COLEC12: variants seen among roughly 807,000 people sequenced by gnomAD.
COLEC12 encodes the protein collectin-12.
A neutral mutation model predicts 71.1 loss-of-function variants in COLEC12; 33 were observed. The ratio of observed to expected loss-of-function variants is 0.46; its 90% CI spans 0.35 to 0.62. The LOEUF is 0.62. COLEC12 is among the 20% of genes least tolerant of loss of function. The pLI is 0.00. For synonymous variants in COLEC12, 350 were observed against 353.0 expected, an observed-to-expected ratio of 0.99 and a Z score of 0.10; for missense variants, 765 against 916.1, an observed-to-expected ratio of 0.84 and a Z score of 2.13.
At chr18:410,470 C>T (rs1191944940) in intron 2 of COLEC12, among the ~76,000 whole-genome samples, 1 of 151,680 alleles carries the variant, frequency 6.6e-6, no homozygotes, top group East Asian at 1.9e-4. Flanking sequence ...ACGGAGTCCG[C>T]TCTTGTTGCC....
intron 2 of COLEC12, among the ~76,000 whole-genome samples, chr18:469,127 C>A (rs1470273461): frequency 6.6e-6 from 1 of 152,252 alleles, no homozygotes; most frequent in Admixed American, 6.5e-5. Context: ...AGGAAAGGGA[C>A]TTCATACAAG....
At chr18:355,166 T>C (rs544480112) in intron 3 of COLEC12, among the ~76,000 whole-genome samples, 4 of 152,164 alleles carry the variant, frequency 2.6e-5, no homozygotes, top group Non-Finnish European at 4.4e-5. Flanking sequence ...GTGGGAGATA[T>C]AATAAATAAA....
At chr18:499,724 T>C (rs1054307275) in intron 1 of COLEC12, among the ~76,000 whole-genome samples, 14 of 152,238 alleles carry the variant, frequency 9.2e-5, no homozygotes, top group African/African-American at 3.4e-4. Context: ...AATCTCCGTG[T>C]TTCCACTAAA....
rs77148508 is a variant in COLEC12, at chr18:361,934, A to C, written c.59-4412T>G. On this transcript the variant is annotated intron_variant, in intron 2 of 9. Coordinates refer to ENST00000400256, the MANE Select transcript of COLEC12 (RefSeq NM_130386.3). ...TACATTCCACTAAGAGAGCCTCAGA[A>C]GATTTGGTTAGAGCAGAGATTATAG... is the stretch of plus-strand genomic sequence containing the variant. Among the ~76,000 whole-genome samples, 823 of 152,344 alleles carry C rather than the reference A, an allele frequency of 5.4e-3. 2 individuals are homozygous for C. The highest frequency in any genetic ancestry group is 0.01 in the Middle Eastern group (3 of 294).
At chr18:414,316 G>A (rs887451888) in intron 2 of COLEC12, among the ~76,000 whole-genome samples, 14 of 152,148 alleles carry the variant, frequency 9.2e-5, no homozygotes, top group South Asian at 2.1e-4. Context: ...TGGGTCGGGC[G>A]CGGTGGCTCA....
At chr18:433,119 A>G (rs1173579885) in intron 2 of COLEC12, among the ~76,000 whole-genome samples, 3 of 152,182 alleles carry the variant, frequency 2.0e-5, no homozygotes, top group Non-Finnish European at 4.4e-5. Flanking sequence ...AATTTCTCTA[A>G]GTTCATGGAC....
chr18:470,220 ATTTTTTTTTTTTTT>A (rs71174234), intron 2 of COLEC12, among the ~76,000 whole-genome samples: 3 of 92,354 alleles, frequency 3.2e-5, no homozygotes, highest in Admixed American at 3.2e-4. Flanking sequence ...AGGCCAGGAA[ATTTTTTTTTTTTTT>A]TTTTTTTTTT....
At chr18:385,180 G>A (rs551194821) in intron 2 of COLEC12, among the ~76,000 whole-genome samples, 9 of 152,108 alleles carry the variant, frequency 5.9e-5, no homozygotes, top group African/African-American at 1.2e-4. Flanking sequence ...ATGAAAATAC[G>A]TAGTGTTGTC....
At chr18:482,502 A>T (rs1917441759) in intron 1 of COLEC12, among the ~76,000 whole-genome samples, 1 of 152,120 alleles carries the variant, frequency 6.6e-6, no homozygotes, top group South Asian at 2.1e-4. Context: ...CCCAGCACAC[A>T]ACTTTCTCTC....
At chr18:418,063 A>C (rs1916024240) in intron 2 of COLEC12, among the ~76,000 whole-genome samples, 1 of 152,204 alleles carries the variant, frequency 6.6e-6, no homozygotes, top group Non-Finnish European at 1.5e-5. Context: ...GGCAGGATTC[A>C]GAGTTTAAAG....
At chr18:350,826 G>C (rs1914499912) in intron 3 of COLEC12, among the ~76,000 whole-genome samples, 1 of 151,954 alleles carries the variant, frequency 6.6e-6, no homozygotes, top group Admixed American at 6.6e-5. Context: ...TACTTAGGAG[G>C]CTGAGGCAGG....
chr18:411,416 C>T (rs1361605063), intron 2 of COLEC12, among the ~76,000 whole-genome samples: 3 of 151,938 alleles, frequency 2.0e-5, no homozygotes, highest in African/African-American at 7.3e-5. Flanking sequence ...TTAGGATTAC[C>T]TGACAAAGAT....
chr18:387,576 T>C (rs1598347631), intron 2 of COLEC12, among the ~76,000 whole-genome samples: 1 of 152,304 alleles, frequency 6.6e-6, no homozygotes, highest in East Asian at 1.9e-4. Flanking sequence ...AATGACATAG[T>C]GCAATCCTTC....
chr18:391,481 C>T (rs1915462961), intron 2 of COLEC12, among the ~76,000 whole-genome samples: 1 of 152,158 alleles, frequency 6.6e-6, no homozygotes, highest in African/African-American at 2.4e-5. Context: ...GGAATCTCCT[C>T]CCTGACTATA....
chr18:461,466 A>G (rs1461161011), intron 2 of COLEC12, among the ~76,000 whole-genome samples: 3 of 152,212 alleles, frequency 2.0e-5, no homozygotes, highest in Non-Finnish European at 4.4e-5. Context: ...AGCTCACTGC[A>G]GCCTCAAACT....
chr18:350,404 G>T (rs1426742396), intron 3 of COLEC12, among the ~76,000 whole-genome samples: 1 of 152,090 alleles, frequency 6.6e-6, no homozygotes, highest in Non-Finnish European at 1.5e-5. Context: ...CCAGTCTCGG[G>T]TATGTCTTTA....
chr18:373,228 C>T (rs1915039616), intron 2 of COLEC12, among the ~76,000 whole-genome samples: 1 of 152,120 alleles, frequency 6.6e-6, no homozygotes, highest in African/African-American at 2.4e-5. Context: ...TCTACTTATC[C>T]AATGTAAGCT....
At chr18:465,312 A>C (rs929674891) in intron 2 of COLEC12, among the ~76,000 whole-genome samples, 3 of 152,194 alleles carry the variant, frequency 2.0e-5, no homozygotes, top group African/African-American at 7.2e-5. Context: ...AATGTTGGCC[A>C]GGCTGGTCTC....
intron 2 of COLEC12, among the ~76,000 whole-genome samples, chr18:440,207 G>T (rs1916487721): frequency 6.6e-6 from 1 of 152,100 alleles, no homozygotes; most frequent in Non-Finnish European, 1.5e-5. Context: ...CATGGGATGG[G>T]GAATGGGGAG....
Sources: allele counts gnomAD v4.1 joint callset (sites outside exome capture counted in the v4.1 genomes callset), GRCh38; gene constraint gnomAD v4.1.1; transcripts MANE v1.5; gene names NCBI Gene and HGNC (gene_info 2026-07-23, HGNC 2026-07-21).